CSTPP1: variants seen among roughly 807,000 people sequenced by gnomAD.
CSTPP1 encodes centriolar satellite-associated tubulin polyglutamylase complex regulator 1, also known as UPF0705 protein C11orf49.
chr11:47,037,927 C>T, the CSTPP1 span, among the ~76,000 whole-genome samples: 4 of 127,568 alleles, frequency 3.1e-5, 1 homozygote, highest in African/African-American at 4.9e-5. Flanking sequence ...GGGTGGTGGC[C>T]GGGCAGAGGG....
the CSTPP1 span, chr11:47,162,075 C>T: frequency 2.0e-5 from 20 of 988,722 alleles, no homozygotes; most frequent in Admixed American, 6.7e-4. Flanking sequence ...GACGCAAGTA[C>T]CAGGAGGACA....
At chr11:46,987,539 A>G in the CSTPP1 span, 1 of 454,596 alleles carries the variant, frequency 2.2e-6, no homozygotes, top group Non-Finnish European at 4.0e-6. Flanking sequence ...TAGCTTAACA[A>G]CTGCTTGTTT....
chr11:47,123,926 T>C, the CSTPP1 span, among the ~76,000 whole-genome samples: 1 of 137,298 alleles, frequency 7.3e-6, no homozygotes, highest in Non-Finnish European at 1.6e-5. Flanking sequence ...CACTTCAGCC[T>C]GGGTGACAAG....
chr11:47,083,490 G>A, the CSTPP1 span, among the ~76,000 whole-genome samples: 1 of 152,128 alleles, frequency 6.6e-6, no homozygotes, highest in Non-Finnish European at 1.5e-5. Flanking sequence ...TGGGTCATAT[G>A]GTAATTCTGT....
At chr11:47,162,023 AATAGCC>A in the CSTPP1 span, 10 of 1,009,302 alleles carry the variant, frequency 9.9e-6, no homozygotes, top group Non-Finnish European at 1.2e-5. Context: ...GGAGAACCCG[AATAGCC>A]ACGCAGGGCC....
chr11:47,010,313 C>T, the CSTPP1 span, among the ~76,000 whole-genome samples: 3 of 152,136 alleles, frequency 2.0e-5, no homozygotes, highest in African/African-American at 7.2e-5. Flanking sequence ...GTGGGACCAG[C>T]TTTTCTTCAA....
At chr11:46,955,903 C>T in the CSTPP1 span, among the ~76,000 whole-genome samples, 3 of 151,444 alleles carry the variant, frequency 2.0e-5, no homozygotes, top group Non-Finnish European at 2.9e-5. Context: ...GCAGGAGAAT[C>T]GCCCGAACCC....
chr11:47,100,828 G>C, the CSTPP1 span, among the ~76,000 whole-genome samples: 1 of 151,672 alleles, frequency 6.6e-6, no homozygotes, highest in East Asian at 1.9e-4. Context: ...TCAGTACTGG[G>C]TTCCTAAGCA....
At chr11:47,094,773 A>G in the CSTPP1 span, among the ~76,000 whole-genome samples, 3 of 152,242 alleles carry the variant, frequency 2.0e-5, no homozygotes, top group African/African-American at 7.2e-5. Flanking sequence ...CATTGCCATC[A>G]TCACAGAAAG....
At chr11:47,137,569 C>G in the CSTPP1 span, 1 of 1,609,118 alleles carries the variant, frequency 6.2e-7, no homozygotes, top group South Asian at 1.1e-5. Flanking sequence ...AGGTCTGAAA[C>G]TCATGAAATG....
chr11:47,043,817 C>A, the CSTPP1 span, among the ~76,000 whole-genome samples: 18 of 152,014 alleles, frequency 1.2e-4, no homozygotes, highest in Non-Finnish European at 1.5e-5. Context: ...CATGGCGAAA[C>A]CCTGTCTCTA....
At chr11:47,138,016 C>T in the CSTPP1 span, 1 of 500,656 alleles carries the variant, frequency 2.0e-6, no homozygotes, top group Non-Finnish European at 3.6e-6. Context: ...AATACCCCCA[C>T]ACACACACAC....
chr11:47,141,672 G>A, the CSTPP1 span, among the ~76,000 whole-genome samples: 1 of 151,766 alleles, frequency 6.6e-6, no homozygotes, highest in East Asian at 1.9e-4. Context: ...AGTGGCTCAC[G>A]CCTGTAATCC....
At chr11:47,109,186 T>C in the CSTPP1 span, 1 of 152,154 alleles carries the variant, frequency 6.6e-6, no homozygotes, top group Non-Finnish European at 1.5e-5. Context: ...GCACTTCTGA[T>C]GTTCCCTGAG....
At chr11:47,061,933 A>G in the CSTPP1 span, among the ~76,000 whole-genome samples, 1 of 151,166 alleles carries the variant, frequency 6.6e-6, no homozygotes, top group African/African-American at 2.4e-5. Flanking sequence ...CTTTTTTTTC[A>G]ATGTTGGTTA....
chr11:47,108,892 A>C, the CSTPP1 span, among the ~76,000 whole-genome samples: 1 of 151,964 alleles, frequency 6.6e-6, no homozygotes, highest in African/African-American at 2.4e-5. Flanking sequence ...TTTTTAGTAG[A>C]GACAGGGTTT....
the CSTPP1 span, among the ~76,000 whole-genome samples, chr11:47,039,318 C>T: frequency 3.1e-5 from 4 of 127,960 alleles, no homozygotes; most frequent in African/African-American, 9.9e-5. Context: ...CCAGCCAACA[C>T]AGCGAAACCC....
the CSTPP1 span, among the ~76,000 whole-genome samples, chr11:47,148,068 G>A: frequency 1.2e-4 from 19 of 152,182 alleles, no homozygotes; most frequent in African/African-American, 4.3e-4. Flanking sequence ...CTAGGCTAGA[G>A]GCAGCTTGTG....
At chr11:47,132,641 A>C in the CSTPP1 span, among the ~76,000 whole-genome samples, 1 of 152,200 alleles carries the variant, frequency 6.6e-6, no homozygotes, top group Admixed American at 6.5e-5. Context: ...ATCTGATTGC[A>C]AAGTCAGAGT....
Sources: gnomAD v4.1 joint callset for allele counts (sites outside exome capture counted in the v4.1 genomes callset) on GRCh38, gnomAD v4.1.1 for gene constraint, MANE v1.5 for transcripts, NCBI Gene and HGNC (gene_info 2026-07-23, HGNC 2026-07-21) for gene names.